Variants in INPP4B observed in about 807,000 individuals in gnomAD.
INPP4B encodes inositol polyphosphate-4-phosphatase type II B.
INPP4B carries 55 observed loss-of-function variants against 122.5 expected under a neutral mutation model. That is an observed-to-expected ratio of 0.45 (90% CI 0.36 to 0.56). The LOEUF is 0.56. Ranked by LOEUF, INPP4B falls within the 20% of genes least tolerant of loss-of-function variation. INPP4B has a pLI of 0.00. For missense variants in INPP4B, 1,000 were observed against 1,097.7 expected, an observed-to-expected ratio of 0.91 and a Z score of 1.26; for synonymous variants, 403 against 388.7, an observed-to-expected ratio of 1.04 and a Z score of -0.43.
intron 9 of INPP4B, among the ~76,000 whole-genome samples, chr4:142,293,671 C>T (rs1264027230): frequency 6.6e-6 from 1 of 152,188 alleles, no homozygotes; most frequent in East Asian, 1.9e-4. Flanking sequence ...CTATTGCAAA[C>T]AATCTCTCTT....
intron 1 of INPP4B, among the ~76,000 whole-genome samples, chr4:142,739,243 C>T (rs781582625): frequency 2.0e-5 from 3 of 152,006 alleles, no homozygotes; most frequent in Non-Finnish European, 2.9e-5. Context: ...TTCTAGTACC[C>T]ATATCTTGAT....
At chr4:142,406,691 C>T (rs1803453840) in intron 5 of INPP4B, among the ~76,000 whole-genome samples, 2 of 152,106 alleles carry the variant, frequency 1.3e-5, no homozygotes, top group Non-Finnish European at 2.9e-5. Flanking sequence ...TTATATAAAC[C>T]ACATGCCTCT....
intron 1 of INPP4B, among the ~76,000 whole-genome samples, chr4:142,787,307 C>T (rs1289755288): frequency 6.6e-6 from 1 of 152,048 alleles, no homozygotes; most frequent in Non-Finnish European, 1.5e-5. Context: ...AGTCTCTGCT[C>T]TCATGAATGG....
chr4:142,748,298 A>G lies in INPP4B; in HGVS notation c.-253-22397T>C, dbSNP rs899513842. 5.3e-5 allele frequency among the ~76,000 whole-genome samples: 8 copies of G among 152,212 alleles called. No homozygotes were observed. The South Asian group carries it at 1.4e-3, about 28-fold the overall frequency. On this transcript the variant is annotated intron_variant, in intron 1 of 25. Coordinates refer to ENST00000262992, the MANE Select transcript of INPP4B (RefSeq NM_001101669.3). ...TTTAAATGCCTATCTATACTAGAAAATAAAATCTAAGTTTCTGACTTAAAA... is the reference window on the plus strand; with the variant it reads ...TTTAAATGCCTATCTATACTAGAAAGTAAAATCTAAGTTTCTGACTTAAAA...
chr4:142,754,564 A>C (rs331966), intron 1 of INPP4B, among the ~76,000 whole-genome samples: 56,338 of 151,802 alleles, frequency 0.37, 10,666 homozygotes, highest in South Asian at 0.48. Context: ...CATTACTTAG[A>C]AAAATGCATT....
intron 1 of INPP4B, among the ~76,000 whole-genome samples, chr4:142,775,157 C>A (rs1773668155): frequency 1.3e-5 from 2 of 151,962 alleles, no homozygotes; most frequent in South Asian, 4.1e-4. Flanking sequence ...AGGGAACATA[C>A]CATGAACATG....
chr4:142,384,890 A>G (rs148673871), intron 7 of INPP4B, among the ~76,000 whole-genome samples: 3 of 152,262 alleles, frequency 2.0e-5, no homozygotes, highest in African/African-American at 7.2e-5. Flanking sequence ...ACTAAGGATC[A>G]TGGCCTCCAA....
At chr4:142,170,773 G>C (rs566361198) in intron 16 of INPP4B, among the ~76,000 whole-genome samples, 4 of 151,802 alleles carry the variant, frequency 2.6e-5, no homozygotes, top group African/African-American at 9.6e-5. Context: ...GGAAGAACAG[G>C]CCTGTGTTTT....
chr4:142,840,497 A>T (rs1427093995), intron 1 of INPP4B, among the ~76,000 whole-genome samples: 2 of 152,146 alleles, frequency 1.3e-5, no homozygotes, highest in Admixed American at 6.5e-5. Context: ...TCCTCACATA[A>T]GCAGATCTCA....
intron 2 of INPP4B, among the ~76,000 whole-genome samples, chr4:142,489,577 A>G (rs2149775783): frequency 6.6e-6 from 1 of 152,120 alleles, no homozygotes; most frequent in East Asian, 1.9e-4. Flanking sequence ...GTATTTTAGT[A>G]GAGACGAGGT....
intron 18 of INPP4B, among the ~76,000 whole-genome samples, chr4:142,132,355 C>A (rs771716987): frequency 2.0e-5 from 3 of 151,986 alleles, no homozygotes; most frequent in African/African-American, 4.8e-5. Context: ...GGGTTAGAAC[C>A]CAGGCTGTGC....
intron 1 of INPP4B, among the ~76,000 whole-genome samples, chr4:142,840,186 A>G (rs1358846418): frequency 1.3e-5 from 2 of 152,172 alleles, no homozygotes; most frequent in Non-Finnish European, 2.9e-5. Flanking sequence ...GGTCATCACT[A>G]TAACAGAGGA....
chr4:142,379,548 C>A (rs552240792), intron 7 of INPP4B, among the ~76,000 whole-genome samples: 1 of 152,282 alleles, frequency 6.6e-6, no homozygotes, highest in South Asian at 2.1e-4. Flanking sequence ...AACCTAGTTG[C>A]AATTATCATT....
intron 7 of INPP4B, among the ~76,000 whole-genome samples, chr4:142,357,534 A>G (rs1784013301): frequency 6.6e-6 from 1 of 152,006 alleles, no homozygotes; most frequent in South Asian, 2.1e-4. Flanking sequence ...TGGAGGGCAG[A>G]CACTCAAACC....
At chr4:142,290,582 A>G (rs1756021043) in intron 9 of INPP4B, among the ~76,000 whole-genome samples, 2 of 152,118 alleles carry the variant, frequency 1.3e-5, no homozygotes, top group Non-Finnish European at 2.9e-5. Context: ...TGTTCCTCGA[A>G]TATACCAATG....
chr4:142,339,564 C>T (rs1367337899), intron 7 of INPP4B, among the ~76,000 whole-genome samples: 1 of 152,144 alleles, frequency 6.6e-6, no homozygotes, highest in Non-Finnish European at 1.5e-5. Flanking sequence ...TCATTGTCTG[C>T]CAGCTGAATA....
chr4:142,357,069 C>G (rs1200762179), intron 7 of INPP4B, among the ~76,000 whole-genome samples: 1 of 152,006 alleles, frequency 6.6e-6, no homozygotes, highest in African/African-American at 2.4e-5. Flanking sequence ...CCCTATTTAC[C>G]TCTTCATCTG....
At chr4:142,293,142 G>C (rs920218188) in intron 9 of INPP4B, among the ~76,000 whole-genome samples, 2 of 151,052 alleles carry the variant, frequency 1.3e-5, no homozygotes, top group African/African-American at 2.4e-5. Context: ...GGGTTCAAGA[G>C]AGTCTACTGC....
At chr4:142,196,072 G>A (rs1838089960) in intron 14 of INPP4B, among the ~76,000 whole-genome samples, 1 of 152,176 alleles carries the variant, frequency 6.6e-6, no homozygotes, top group Non-Finnish European at 1.5e-5. Context: ...GAAGAAGCAT[G>A]TTGTTTGAAT....
Sources: allele counts gnomAD v4.1 joint callset (sites outside exome capture counted in the v4.1 genomes callset), GRCh38; gene constraint gnomAD v4.1.1; transcripts MANE v1.5; gene names NCBI Gene and HGNC (gene_info 2026-07-23, HGNC 2026-07-21).